CDK17: variants seen among roughly 807,000 people sequenced by gnomAD.
CDK17 encodes the protein cyclin dependent kinase 17, also known as cyclin-dependent kinase 17.
Under a neutral mutation model 77.6 loss-of-function variants are expected in CDK17, and 24 were observed. That is an observed-to-expected ratio of 0.31 (90% CI 0.22 to 0.44). CDK17 has a LOEUF of 0.44. Ranked by LOEUF, CDK17 falls within the 20% of genes least tolerant of loss-of-function variation. The pLI, the probability that CDK17 is intolerant of heterozygous loss-of-function variation, is 1.00. For synonymous variants in CDK17, 203 were observed against 210.4 expected (o/e 0.96, Z 0.30); for missense variants, 429 against 622.5 (o/e 0.69, Z 3.31).
At chr12:96,393,551 G>T (rs545532516) in intron 1 of CDK17, among the ~76,000 whole-genome samples, 1 of 151,710 alleles carries the variant, frequency 6.6e-6, no homozygotes, top group South Asian at 2.1e-4. Context: ...TGGGCAATAT[G>T]GCAAAACCCC....
intron 1 of CDK17, among the ~76,000 whole-genome samples, chr12:96,384,086 A>G (rs1403103357): frequency 6.6e-6 from 1 of 152,164 alleles, no homozygotes; most frequent in African/African-American, 2.4e-5. Flanking sequence ...TAAGAAGTAG[A>G]CAAAGGACAT....
chr12:96,326,531 C>A (rs1592730522), intron 2 of CDK17, among the ~76,000 whole-genome samples: 1 of 152,164 alleles, frequency 6.6e-6, no homozygotes, highest in Admixed American at 6.5e-5. Context: ...GAGAAAAAAG[C>A]TAATGAAAAG....
chr12:96,338,619 G>T (rs973086805), intron 1 of CDK17, among the ~76,000 whole-genome samples: 1 of 151,956 alleles, frequency 6.6e-6, no homozygotes, highest in African/African-American at 2.4e-5. Flanking sequence ...TTGAACTCCC[G>T]GCCTCAAGTG....
chr12:96,390,425 T>C (rs1450195326), intron 1 of CDK17, among the ~76,000 whole-genome samples: 1 of 148,224 alleles, frequency 6.7e-6, no homozygotes, highest in Non-Finnish European at 1.5e-5. Context: ...TAAAAAAGCC[T>C]TGGCCAGGTG....
chr12:96,280,320 G>A (rs1952159068), intron 16 of CDK17, 41 bp from the exon 17 acceptor site: 1 of 1,546,230 alleles, frequency 6.5e-7, no homozygotes, highest in Non-Finnish European at 8.7e-7. Context: ...TCAAGGTTCA[G>A]TTTTATCCCA....
intron 1 of CDK17, among the ~76,000 whole-genome samples, chr12:96,344,349 A>G (rs1306062841): frequency 6.6e-6 from 1 of 152,218 alleles, no homozygotes; most frequent in Non-Finnish European, 1.5e-5. Flanking sequence ...AAAAATTTCA[A>G]ATAAATCCAA....
At chr12:96,385,271 G>A (rs373291084) in intron 1 of CDK17, among the ~76,000 whole-genome samples, 7 of 152,148 alleles carry the variant, frequency 4.6e-5, no homozygotes, top group African/African-American at 7.2e-5. Flanking sequence ...CCAAGATTGC[G>A]CCACTGCACT....
At chr12:96,333,779 G>A (rs1953003846) in intron 2 of CDK17, among the ~76,000 whole-genome samples, 1 of 152,114 alleles carries the variant, frequency 6.6e-6, no homozygotes, top group African/African-American at 2.4e-5. Flanking sequence ...GAAGAAACCT[G>A]GGTTCTAAAG....
At chr12:96,339,676 T>C (rs1276275529) in intron 1 of CDK17, among the ~76,000 whole-genome samples, 2 of 152,090 alleles carry the variant, frequency 1.3e-5, no homozygotes, top group African/African-American at 2.4e-5. Flanking sequence ...ATGCCTGTAA[T>C]CCCAGCACTT....
At chr12:96,328,335 A>G (rs1952917448) in intron 2 of CDK17, among the ~76,000 whole-genome samples, 1 of 152,066 alleles carries the variant, frequency 6.6e-6, no homozygotes, top group Admixed American at 6.6e-5. Flanking sequence ...CAATATAATA[A>G]TAATAGAAAT....
chr12:96,369,220 A>AT (rs1953651341), intron 1 of CDK17, among the ~76,000 whole-genome samples: 1 of 152,166 alleles, frequency 6.6e-6, no homozygotes, highest in Non-Finnish European at 1.5e-5. Context: ...TGTTAACTTA[A>AT]AACACTCAAA....
intron 1 of CDK17, among the ~76,000 whole-genome samples, chr12:96,368,818 G>C (rs59698767): frequency 0.13 from 12,324 of 95,584 alleles, 3,520 homozygotes; most frequent in African/African-American, 0.26. Flanking sequence ...GGGGGGGGGG[G>C]GGGGGGCACA....
intron 2 of CDK17, among the ~76,000 whole-genome samples, chr12:96,325,165 T>G (rs905152151): frequency 1.3e-5 from 2 of 152,246 alleles, no homozygotes; most frequent in Non-Finnish European, 2.9e-5. Context: ...TATATTAGAA[T>G]TTTGTTTTTA....
rs147121589 is a variant in CDK17 at position 96,305,977 on chromosome 12, C to T, written c.543+5075G>A. Among the ~76,000 whole-genome samples, 425 of 152,298 alleles carry T rather than the reference C, an allele frequency of 2.8e-3. 2 individuals are homozygous for T. Among genetic ancestry groups the T allele is most frequent in the African/African-American group, 9.8e-3 (407 of 41,546 alleles). ...GCTCAAGCAAACCTCCTGCCTCAGCCTCTCAAAGTGGTGGGATTACAGGCA... is the reference window on the plus strand; with the variant it reads ...GCTCAAGCAAACCTCCTGCCTCAGCTTCTCAAAGTGGTGGGATTACAGGCA... On this transcript the variant is annotated intron_variant, in intron 5 of 16. Transcript: ENST00000261211.
At chr12:96,367,916 C>T (rs1953614469) in intron 1 of CDK17, among the ~76,000 whole-genome samples, 1 of 151,190 alleles carries the variant, frequency 6.6e-6, no homozygotes, top group African/African-American at 2.4e-5. Context: ...TAATGGGAGG[C>T]CTAAATTTAC....
intron 10 of CDK17, among the ~76,000 whole-genome samples, chr12:96,291,085 G>T (rs1255121922): frequency 6.9e-6 from 1 of 144,114 alleles, no homozygotes; most frequent in Admixed American, 7.1e-5. Context: ...AAAGTTATAT[G>T]ACCCTCCTTC....
chr12:96,293,151 T>TA (rs1036264976), intron 10 of CDK17, among the ~76,000 whole-genome samples: 2 of 152,220 alleles, frequency 1.3e-5, no homozygotes, highest in African/African-American at 4.8e-5. Flanking sequence ...ATTTTTTTTA[T>TA]AAAAACAAAA....
intron 1 of CDK17, among the ~76,000 whole-genome samples, chr12:96,349,283 G>A (rs1210033263): frequency 2.0e-5 from 3 of 151,864 alleles, no homozygotes; most frequent in South Asian, 2.1e-4. Flanking sequence ...GTGAAACCCC[G>A]TCTCTACTAA....
chr12:96,365,666 T>C (rs1238432951), intron 1 of CDK17, among the ~76,000 whole-genome samples: 1 of 152,278 alleles, frequency 6.6e-6, no homozygotes, highest in Non-Finnish European at 1.5e-5. Context: ...AAATTTCACT[T>C]ACTATGCTAC....
Sources: allele counts gnomAD v4.1 joint callset (sites outside exome capture counted in the v4.1 genomes callset), GRCh38; gene constraint gnomAD v4.1.1; transcripts MANE v1.5; gene names NCBI Gene and HGNC (gene_info 2026-07-23, HGNC 2026-07-21).